The following RYR3 variants were observed in gnomAD, a reference collection of about 807,000 sequenced individuals.
RYR3 encodes brain ryanodine receptor-calcium release channel.
In RYR3, 207 loss-of-function variants were observed where a neutral mutation model predicts 584.3. The ratio of observed to expected loss-of-function variants is 0.35; its 90% CI spans 0.32 to 0.40. The LOEUF is 0.40. Ranked by LOEUF, RYR3 falls within the 10% of genes least tolerant of loss-of-function variation. RYR3 has a pLI of 1.00. For missense variants in RYR3, 5,616 were observed against 6,089.2 expected (o/e 0.92, Z 2.59); for synonymous variants, 2,416 against 2,248.5 (o/e 1.07, Z -2.11).
At chr15:33,396,798 A>G (rs1368797372) in intron 1 of RYR3, among the ~76,000 whole-genome samples, 1 of 152,038 alleles carries the variant, frequency 6.6e-6, no homozygotes, top group Non-Finnish European at 1.5e-5. Flanking sequence ...GTCTAGGGAG[A>G]TTTTTACCTC....
rs765786435 is a variant in RYR3, at chr15:33,768,701, C to T, written c.8749C>T (p.Leu2917Phe). ...CGCTCTCGTTAGACACAGAATTTCC[C>T]TCTTTGGTAAGTGAAGTGTTGCTCA... ...LAALVRHRIS[L>F]FGSDSTTMVS... The change falls in exon 61 of 104, where the codon CTC (leucine) becomes TTC (phenylalanine). Residue 2917 changes from leucine to phenylalanine, a missense_variant. Leu to Phe is a conservative substitution (Grantham distance 22, BLOSUM62 0). Coordinates refer to ENST00000634891, the MANE Select transcript of RYR3 (RefSeq NM_001036.6). 5.0e-6 allele frequency: 8 copies of T among 1,613,762 alleles called. No individual in the cohort carries two copies. Among genetic ancestry groups the T allele is most frequent in the Non-Finnish European group, 6.8e-6 (8 of 1,179,758 alleles).
At chr15:33,469,687 G>A (rs566337162) in intron 1 of RYR3, among the ~76,000 whole-genome samples, 13 of 152,222 alleles carry the variant, frequency 8.5e-5, no homozygotes, top group Non-Finnish European at 1.3e-4. Context: ...TTGTAAGTCC[G>A]CAGGTAAAAA....
At chr15:33,322,730 T>C (rs1029777912) in intron 1 of RYR3, among the ~76,000 whole-genome samples, 5 of 152,072 alleles carry the variant, frequency 3.3e-5, no homozygotes, top group Non-Finnish European at 7.4e-5. Context: ...CAACTTTTTT[T>C]CCACTGAATG....
At chr15:33,351,978 G>T (rs1173015930) in intron 1 of RYR3, among the ~76,000 whole-genome samples, 1 of 152,140 alleles carries the variant, frequency 6.6e-6, no homozygotes, top group Non-Finnish European at 1.5e-5. Context: ...GTCCCTGTTT[G>T]CAGATGACAT....
intron 1 of RYR3, among the ~76,000 whole-genome samples, chr15:33,411,424 G>A (rs530392900): frequency 3.3e-5 from 5 of 152,192 alleles, no homozygotes; most frequent in South Asian, 2.1e-4. Context: ...AAATCTATAC[G>A]TTCTTTTCAT....
At chr15:33,805,291 G>A (rs1469652911) in intron 69 of RYR3, among the ~76,000 whole-genome samples, 2 of 152,096 alleles carry the variant, frequency 1.3e-5, no homozygotes, top group African/African-American at 4.8e-5. Flanking sequence ...ATATTAGAGT[G>A]CCTCATTGTT....
chr15:33,848,535 G>T, intron 94 of RYR3, 114 bp downstream of exon 94: 1 of 1,201,726 alleles, frequency 8.3e-7, no homozygotes, highest in Non-Finnish European at 1.1e-6. Context: ...TTGATTTCTA[G>T]GACTTTTCTC....
rs183294442 is a variant in RYR3, at chr15:33,621,779, C to G, written c.2358-2028C>G. Among the ~76,000 whole-genome samples, 4 of 152,268 alleles carry G rather than the reference C, an allele frequency of 2.6e-5. No homozygotes were observed. In the East Asian group the frequency reaches 7.7e-4, roughly 29 times the overall value. The stretch of plus-strand genomic sequence containing the variant: ...GGGAAGGAAAAAAACCTTAGCACCT[C>G]TTTACTTAAAGAGGCTTTATTTTCC... On this transcript the variant is annotated intron_variant, in intron 19 of 103. Transcript: ENST00000634891.
intron 3 of RYR3, among the ~76,000 whole-genome samples, chr15:33,529,771 A>C (rs78116151): frequency 6.6e-6 from 1 of 152,268 alleles, no homozygotes; most frequent in African/African-American, 2.4e-5. Flanking sequence ...GTAGATTTCC[A>C]TTTTCCATGC....
chr15:33,699,931 G>A (rs1596225521), intron 41 of RYR3, 98 bp downstream of exon 41: 13 of 1,208,146 alleles, frequency 1.1e-5, no homozygotes, highest in South Asian at 1.5e-5. Context: ...CCACATGCAC[G>A]CTGTGATATT....
chr15:33,853,711 A>T, intron 96 of RYR3, 29 bp downstream of exon 96: 1 of 1,606,170 alleles, frequency 6.2e-7, no homozygotes, highest in Non-Finnish European at 8.5e-7. Flanking sequence ...TTCAAATCCA[A>T]AGCAGCTAAA....
chr15:33,506,559 T>C (rs2142809547), intron 3 of RYR3, among the ~76,000 whole-genome samples: 1 of 152,298 alleles, frequency 6.6e-6, no homozygotes, highest in Admixed American at 6.5e-5. Context: ...TAAGGAGTAG[T>C]ATTCACTGGA....
intron 1 of RYR3, among the ~76,000 whole-genome samples, chr15:33,376,834 T>C (rs2040785358): frequency 6.6e-6 from 1 of 152,264 alleles, no homozygotes; most frequent in Admixed American, 6.5e-5. Flanking sequence ...TTTTTGTTTT[T>C]GCATACAGAT....
At chr15:33,523,714 C>T (rs2054183258) in intron 3 of RYR3, among the ~76,000 whole-genome samples, 1 of 152,034 alleles carries the variant, frequency 6.6e-6, no homozygotes, top group African/African-American at 2.4e-5. Flanking sequence ...CACCAAGTCC[C>T]CAAAAACAAG....
At position 33,859,499 on chromosome 15, in the gene RYR3, A is replaced by G. The variant is rs183900449; in HGVS notation, c.14143-76A>G. On this transcript the variant is annotated intron_variant, in intron 99 of 103. Transcript: ENST00000634891. ...AGGGCTGCCACAATCTGACCGAATC[A>G]TATGAATGATCTGAGCATCTTGCTA... is the stretch of plus-strand genomic sequence containing the variant. 5.8e-6 allele frequency: 9 copies of G among 1,540,108 alleles called. No homozygotes were observed. In the African/African-American group the frequency reaches 1.2e-4, roughly 21 times the overall value.
chr15:33,495,729 G>A (rs190709157), intron 2 of RYR3, among the ~76,000 whole-genome samples: 3 of 152,216 alleles, frequency 2.0e-5, no homozygotes, highest in Admixed American at 6.5e-5. Flanking sequence ...AACATTCACC[G>A]TGTAACTTTC....
chr15:33,533,064 C>G (rs1031576709), intron 4 of RYR3, among the ~76,000 whole-genome samples: 18 of 152,142 alleles, frequency 1.2e-4, no homozygotes, highest in African/African-American at 4.3e-4. Context: ...CTGCAGTGAG[C>G]TAGGATTGTG....
At chr15:33,726,117 G>A (rs1355224878) in intron 45 of RYR3, among the ~76,000 whole-genome samples, 2 of 152,058 alleles carry the variant, frequency 1.3e-5, no homozygotes, top group African/African-American at 2.4e-5. Context: ...TTATTCCTGG[G>A]GCCTGATACC....
chr15:33,723,101 C>T (rs1044151513), intron 44 of RYR3, among the ~76,000 whole-genome samples: 1 of 152,244 alleles, frequency 6.6e-6, no homozygotes, highest in African/African-American at 2.4e-5. Context: ...CTTCCATTTT[C>T]TCTACTCTGC....
Sources: gnomAD v4.1 joint callset for allele counts (sites outside exome capture counted in the v4.1 genomes callset) on GRCh38, gnomAD v4.1.1 for gene constraint, MANE v1.5 for transcripts, NCBI Gene and HGNC (gene_info 2026-07-23, HGNC 2026-07-21) for gene names.